The following XKR4 variants were observed in gnomAD, a reference collection of about 807,000 sequenced individuals.
XKR4 encodes XK related 4, also known as XK-related protein 4.
XKR4 carries 12 observed loss-of-function variants against 53.9 expected under a neutral mutation model. That is an observed-to-expected ratio of 0.22 (90% confidence interval 0.14 to 0.36). XKR4 has a LOEUF of 0.36. XKR4 is among the 10% of genes least tolerant of loss of function. The probability of loss-of-function intolerance (pLI) is 1.00; values close to 1 mark genes in which losing one functional copy is unlikely to be tolerated. For synonymous variants in XKR4, 354 were observed against 362.4 expected (o/e 0.98, Z 0.26); for missense variants, 799 against 859.5 (o/e 0.93, Z 0.88).
intron 1 of XKR4, among the ~76,000 whole-genome samples, chr8:55,261,396 T>C (rs1818523591): frequency 6.6e-6 from 1 of 152,240 alleles, no homozygotes; most frequent in Non-Finnish European, 1.5e-5. Context: ...TTTTCTAACA[T>C]CAGAAACACT....
Position 55,523,756 on chromosome 8 carries a change from G to A in XKR4, c.1482G>A (p.Val494=), listed in dbSNP as rs375548201. The A allele has an allele frequency of 2.7e-5, 43 of 1,614,020 alleles. No homozygotes were observed. The highest frequency in any genetic ancestry group is 1.6e-4 in the Middle Eastern group (1 of 6,084). Residue 494 remains valine (V), a synonymous_variant, in exon 3 of 3, where the codon GTG becomes GTA. Coordinates refer to ENST00000327381, the MANE Select transcript of XKR4 (RefSeq NM_052898.2). ...CATTTGCCATTCCAGCGCTGTGTGT[G>A]GTGTTCAGCAGCTTTTTAACTGGCG... ...ADAFAIPALC[V]VFSSFLTGVV...
At chr8:55,239,892 T>G (rs1379384381) in intron 1 of XKR4, among the ~76,000 whole-genome samples, 1 of 152,192 alleles carries the variant, frequency 6.6e-6, no homozygotes, top group Non-Finnish European at 1.5e-5. Flanking sequence ...AACCATTTCC[T>G]CAAAGTGCTT....
rs1362524676 is a variant in XKR4, at chr8:55,480,769, G to A, written c.1007-42512G>A. Among the ~76,000 whole-genome samples, 19 of 139,264 alleles carry A rather than the reference G, an allele frequency of 1.4e-4. 2 individuals are homozygous for A. Among genetic ancestry groups the A allele is most frequent in the African/African-American group, 5.8e-4 (19 of 32,610 alleles). 91.4% of individuals were successfully genotyped at this position (139,264 alleles called of 152,430 possible). A position where few individuals can be genotyped will look rare whatever the true frequency, so the allele number is the denominator to read the frequency against. Reference sequence around the variant, plus strand: ...CTTATACACCAAAAACAGACAGAGAGCCAAATCATGAGTGAACTCCCATTC... The same window carrying A: ...CTTATACACCAAAAACAGACAGAGAACCAAATCATGAGTGAACTCCCATTC... On this transcript the variant is annotated intron_variant, in intron 2 of 2. Coordinates refer to ENST00000327381, the MANE Select transcript of XKR4 (RefSeq NM_052898.2).
intron 2 of XKR4, chr8:55,452,347 C>T (rs1805462495): frequency 4.8e-6 from 3 of 629,758 alleles, no homozygotes; most frequent in African/African-American, 1.8e-5. Flanking sequence ...TTCTCCCCCA[C>T]CAGGGGGTCT....
intron 1 of XKR4, among the ~76,000 whole-genome samples, chr8:55,311,342 G>A (rs550898567): frequency 6.6e-6 from 1 of 152,348 alleles, no homozygotes; most frequent in African/African-American, 2.4e-5. Context: ...GTGTCAGAGA[G>A]GGGCTCAGAG....
chr8:55,154,784 A>G (rs538100946), intron 1 of XKR4, among the ~76,000 whole-genome samples: 19 of 152,326 alleles, frequency 1.2e-4, no homozygotes, highest in Non-Finnish European at 1.8e-4. Flanking sequence ...ATTCACTTAA[A>G]AAGTGTTCAT....
chr8:55,229,708 C>G (rs956360415), intron 1 of XKR4, among the ~76,000 whole-genome samples: 12 of 152,154 alleles, frequency 7.9e-5, no homozygotes, highest in Non-Finnish European at 1.8e-4. Flanking sequence ...CCTTGTGTGT[C>G]TCTCTTCTTG....
chr8:55,227,157 G>A (rs1321989852), intron 1 of XKR4, among the ~76,000 whole-genome samples: 1 of 152,192 alleles, frequency 6.6e-6, no homozygotes, highest in Non-Finnish European at 1.5e-5. Flanking sequence ...TGTGGCTGTT[G>A]GTTTTCTCAT....
chr8:55,357,856 C>G lies in XKR4; in HGVS notation c.985C>G (p.His329Asp). The G allele has an allele frequency of 6.2e-7, 1 of 1,613,386 alleles. No homozygotes were observed. The highest frequency in any genetic ancestry group is 8.5e-7 in the Non-Finnish European group (1 of 1,179,388). The change falls in exon 2 of 3, where the codon CAT becomes GAT. Residue 329 changes from histidine to aspartate, a missense_variant. His to Asp is a moderately conservative substitution (Grantham distance 81). This residue lies in a region of XKR4 where 476 missense variants were observed against 505.4 expected (regional missense o/e 0.94). Transcript: ENST00000327381. ...VLQLCIIVQTHSLQALQGFTA... is the reference protein window; with the variant it reads ...VLQLCIIVQTDSLQALQGFTA... ...GCAGCTCTGCATTATCGTACAGACT[C>G]ATAGCTTACAGGCCCTCCAAGGTAA...
intron 1 of XKR4, among the ~76,000 whole-genome samples, chr8:55,254,625 A>T (rs1376664252): frequency 6.6e-6 from 1 of 152,208 alleles, no homozygotes; most frequent in African/African-American, 2.4e-5. Flanking sequence ...TGATGCTAGA[A>T]AGGCACTGAG....
intron 1 of XKR4, among the ~76,000 whole-genome samples, chr8:55,203,383 A>T (rs1817602104): frequency 6.6e-6 from 1 of 152,180 alleles, no homozygotes; most frequent in African/African-American, 2.4e-5. Flanking sequence ...AGTTGGCTTT[A>T]TTGCACCTAG....
At chr8:55,161,393 A>T (rs1816982238) in intron 1 of XKR4, 2 of 381,292 alleles carry the variant, frequency 5.2e-6, no homozygotes, top group Non-Finnish European at 1.0e-5. Flanking sequence ...CCCTCCTTAC[A>T]TCACAGTGAC....
At chr8:55,223,046 G>A (rs1339619301) in intron 1 of XKR4, among the ~76,000 whole-genome samples, 2 of 152,092 alleles carry the variant, frequency 1.3e-5, no homozygotes, top group South Asian at 2.1e-4. Flanking sequence ...GGAGAGGAAA[G>A]AGCACCTGAC....
In XKR4 at chr8:55,463,641, G is replaced by A. The variant is rs1388960843; in HGVS notation, c.1007-59640G>A. 3.9e-5 allele frequency among the ~76,000 whole-genome samples: 6 copies of A among 152,182 alleles called. No individual in the cohort carries two copies. The East Asian group carries it at 7.7e-4, about 20-fold the overall frequency. ...AACTAATATCAGAGCAGAACTGAAG[G>A]AAATAGAGAAATAAAAAACTGTTCA... On this transcript the variant is annotated intron_variant, in intron 2 of 2. Coordinates refer to ENST00000327381, the MANE Select transcript of XKR4 (RefSeq NM_052898.2).
chr8:55,289,359 A>C (rs1818949667), intron 1 of XKR4, among the ~76,000 whole-genome samples: 1 of 151,764 alleles, frequency 6.6e-6, no homozygotes, highest in South Asian at 2.1e-4. Context: ...TCTACAAAAT[A>C]CAAAAATTAG....
At chr8:55,407,288 G>A (rs1250080484) in intron 2 of XKR4, among the ~76,000 whole-genome samples, 2 of 152,202 alleles carry the variant, frequency 1.3e-5, no homozygotes, top group African/African-American at 4.8e-5. Flanking sequence ...AGAACATGTC[G>A]GGTGTGAAGC....
At chr8:55,310,662 C>T (rs912648224) in intron 1 of XKR4, among the ~76,000 whole-genome samples, 1 of 152,184 alleles carries the variant, frequency 6.6e-6, no homozygotes, top group Non-Finnish European at 1.5e-5. Flanking sequence ...CTCTCTGAGC[C>T]TCCACCATAA....
intron 1 of XKR4, among the ~76,000 whole-genome samples, chr8:55,196,735 T>A (rs1355730449): frequency 1.3e-5 from 2 of 152,324 alleles, no homozygotes; most frequent in African/African-American, 4.8e-5. Flanking sequence ...ATTTAGATTT[T>A]CATTCTATTA....
rs1806884890 is a variant in XKR4, at chr8:55,526,511, G to T, written c.*2284G>T. ...AAAAGGCTCTTCTTGTCAGCACATGGTGAAAACATTCCATCCCCACTGGAG... is the reference window on the plus strand; with the variant it reads ...AAAAGGCTCTTCTTGTCAGCACATGTTGAAAACATTCCATCCCCACTGGAG... On this transcript the variant is annotated 3_prime_UTR_variant, in exon 3 of 3. Coordinates refer to ENST00000327381, the MANE Select transcript of XKR4 (RefSeq NM_052898.2). 6.6e-6 allele frequency: 1 copy of T among 152,176 alleles called. No homozygotes were observed. The highest frequency in any genetic ancestry group is 1.5e-5 in the Non-Finnish European group (1 of 68,026). The allele number at this position is 152,176 out of a possible 1,614,324, so 9.4% of individuals were successfully genotyped here. A position where few individuals can be genotyped will look rare whatever the true frequency, so the allele number is the denominator to read the frequency against.
Sources: allele counts gnomAD v4.1 joint callset (sites outside exome capture counted in the v4.1 genomes callset), GRCh38; gene constraint gnomAD v4.1.1; regional missense constraint gnomAD v4.1.1; transcripts MANE v1.5; gene names NCBI Gene and HGNC (gene_info 2026-07-23, HGNC 2026-07-21).